PRTG: variants seen among roughly 807,000 people sequenced by gnomAD.
The protein encoded by PRTG is immunoglobulin superfamily, DCC subclass, member 5.
In PRTG, 67 loss-of-function variants were observed where a neutral mutation model predicts 122.5. The observed-to-expected ratio is 0.55, with a 90% confidence interval of 0.45 to 0.67. PRTG has a LOEUF of 0.67. Ranked by LOEUF, PRTG falls within the 30% of genes least tolerant of loss-of-function variation. The probability of loss-of-function intolerance (pLI) is 0.00; values close to 1 mark genes in which losing one functional copy is unlikely to be tolerated. For synonymous variants in PRTG, 554 were observed against 501.1 expected (o/e 1.11, Z -1.41); for missense variants, 1,435 against 1,415.4 (o/e 1.01, Z -0.22).
chr15:55,720,060 A>AAAAAGAAAAG (rs374972863), intron 2 of PRTG, among the ~76,000 whole-genome samples: 3 of 151,820 alleles, frequency 2.0e-5, no homozygotes, highest in South Asian at 2.1e-4. Context: ...ACTTCATCTC[A>AAAAAGAAAAG]AAAAGAAAAG....
At chr15:55,660,991 T>C (rs2059406591) in intron 11 of PRTG, among the ~76,000 whole-genome samples, 1 of 152,198 alleles carries the variant, frequency 6.6e-6, no homozygotes, top group Non-Finnish European at 1.5e-5. Context: ...GGGGAACTAA[T>C]TTTGTTCTCA....
At chr15:55,729,622 T>C (rs1254664027) in intron 2 of PRTG, among the ~76,000 whole-genome samples, 3 of 151,746 alleles carry the variant, frequency 2.0e-5, no homozygotes, top group Non-Finnish European at 4.4e-5. Context: ...AAAATAAATA[T>C]ATATATGTAT....
chr15:55,672,076 A>C (rs988134093), intron 11 of PRTG, among the ~76,000 whole-genome samples: 1 of 152,234 alleles, frequency 6.6e-6, no homozygotes, highest in Non-Finnish European at 1.5e-5. Context: ...ATTTTAAGTG[A>C]AACTTAACCA....
At chr15:55,655,781 G>T (rs558987111) in intron 11 of PRTG, 2 of 152,268 alleles carry the variant, frequency 1.3e-5, no homozygotes, top group Admixed American at 1.3e-4. Flanking sequence ...CACATTCCTA[G>T]AGAATTTTTT....
At chr15:55,669,620 G>C (rs752559174) in intron 11 of PRTG, among the ~76,000 whole-genome samples, 1 of 152,186 alleles carries the variant, frequency 6.6e-6, no homozygotes, top group Non-Finnish European at 1.5e-5. Context: ...TGACCTTCTA[G>C]GAAAGTAAGA....
intron 11 of PRTG, among the ~76,000 whole-genome samples, chr15:55,645,107 A>C (rs1567081270): frequency 6.6e-6 from 1 of 151,960 alleles, no homozygotes; most frequent in Non-Finnish European, 1.5e-5. Flanking sequence ...TTGTTCATTA[A>C]TTTTTCAGAA....
At chr15:55,635,070 T>C (rs1335801979) in intron 15 of PRTG, among the ~76,000 whole-genome samples, 1 of 95,090 alleles carries the variant, frequency 1.1e-5, no homozygotes. Flanking sequence ...TGTTGTTGGT[T>C]CTGGGTGTGT....
In PRTG at chr15:55,672,449, G is replaced by A. The variant is rs746410073; in HGVS notation, c.2037C>T (p.Gly679=). Residue 679 remains glycine (G), a synonymous_variant, in exon 11 of 20, where the codon GGC becomes GGT. Coordinates refer to ENST00000389286, the MANE Select transcript of PRTG (RefSeq NM_173814.6). The stretch of plus-strand genomic sequence containing the variant: ...ATACAGTACAAACTCACTCACCTAA[G>A]CCACTGAGAGTATAGAGTAGGTCCT... ...DTKDLLYTLS[G]LDPRRKYHVR... 1 of 1,612,194 alleles carries A rather than the reference G, an allele frequency of 6.2e-7. No individual in the cohort carries two copies. Among genetic ancestry groups the A allele is most frequent in the East Asian group, 2.2e-5 (1 of 44,882 alleles).
chr15:55,688,515 C>G (rs1276160808), intron 2 of PRTG, among the ~76,000 whole-genome samples: 1 of 152,190 alleles, frequency 6.6e-6, no homozygotes, highest in Non-Finnish European at 1.5e-5. Flanking sequence ...TCCAACTGTG[C>G]ACTGGACATC....
chr15:55,738,052 C>A lies in PRTG; in HGVS notation c.397+2330G>T, dbSNP rs1350396720. On this transcript the variant is annotated intron_variant, in intron 2 of 19. Transcript: ENST00000389286. ...CACACACACACACACACACACACAC[C>A]ACACACACTCTTCCTGTAAATATAT... Among the ~76,000 whole-genome samples the A allele has an allele frequency of 5.1e-5, 4 of 77,688 alleles. No individual in the cohort carries two copies. The Admixed American group carries it at 5.6e-4, about 11-fold the overall frequency. The allele number at this position is 77,688 out of a possible 152,430, so 51.0% of individuals were successfully genotyped here. A position where few individuals can be genotyped will look rare whatever the true frequency, so the allele number is the denominator to read the frequency against.
In PRTG at chr15:55,624,528, G is replaced by T. The variant is rs771339483; in HGVS notation, c.2928-21C>A. Reference sequence around the variant, plus strand: ...ATTTCCTAAAACATTGGCAAGAAGAGGAAGTCTTCTAATTTCATAGAAGAT... The same window carrying T: ...ATTTCCTAAAACATTGGCAAGAAGATGAAGTCTTCTAATTTCATAGAAGAT... On this transcript the variant is annotated intron_variant, in intron 17 of 19. Coordinates refer to ENST00000389286, the MANE Select transcript of PRTG (RefSeq NM_173814.6). The T allele has an allele frequency of 7.5e-6, 12 of 1,596,776 alleles. No individual in the cohort carries two copies. In the Admixed American group the frequency reaches 2.1e-4, roughly 28 times the overall value.
chr15:55,739,159 C>A (rs2031532416), intron 2 of PRTG, among the ~76,000 whole-genome samples: 1 of 151,914 alleles, frequency 6.6e-6, no homozygotes, highest in Non-Finnish European at 1.5e-5. Flanking sequence ...CATAAATGGA[C>A]CATGAACAGT....
intron 14 of PRTG, 115 bp from the exon 15 acceptor site, chr15:55,637,455 A>G (rs2059264260): frequency 1.3e-6 from 1 of 759,838 alleles, no homozygotes; most frequent in Non-Finnish European, 1.9e-6. Flanking sequence ...TCCATAAGAA[A>G]TCACAGCTTT....
At chr15:55,645,602 TTAAATACACG>T in intron 11 of PRTG, among the ~76,000 whole-genome samples, 1 of 151,620 alleles carries the variant, frequency 6.6e-6, no homozygotes, top group Non-Finnish European at 1.5e-5. Flanking sequence ...GACCAATATG[TTAAATACACG>T]TAAATACACA....
chr15:55,629,493 T>C (rs1567074859), intron 15 of PRTG, among the ~76,000 whole-genome samples: 1 of 151,324 alleles, frequency 6.6e-6, no homozygotes. Flanking sequence ...CATTTTATTA[T>C]GGAACATTTG....
intron 9 of PRTG, among the ~76,000 whole-genome samples, chr15:55,675,146 G>C (rs563125834): frequency 2.6e-5 from 4 of 152,052 alleles, no homozygotes; most frequent in Non-Finnish European, 5.9e-5. Context: ...TAAAGTCCAA[G>C]TTTCAGAAGT....
chr15:55,729,386 G>A (rs566701207), intron 2 of PRTG, among the ~76,000 whole-genome samples: 14 of 152,060 alleles, frequency 9.2e-5, no homozygotes, highest in Non-Finnish European at 1.8e-4. Context: ...GACTGCTATC[G>A]AACACAGCTT....
In PRTG at chr15:55,718,398, C is replaced by T. The variant is rs528898952; in HGVS notation, c.397+21984G>A. Among the ~76,000 whole-genome samples, 4 of 152,256 alleles carry T rather than the reference C, an allele frequency of 2.6e-5. No individual in the cohort carries two copies. In the South Asian group the frequency reaches 8.3e-4, roughly 32 times the overall value. ...CTTGTTTCCCTCCCGCCTGTCCCCT[C>T]AGTCCCAACCCCAAGCGTTGCTGAG... On this transcript the variant is annotated intron_variant, in intron 2 of 19. Transcript: ENST00000389286.
At chr15:55,649,544 G>C (rs1419460704) in intron 11 of PRTG, among the ~76,000 whole-genome samples, 1 of 152,114 alleles carries the variant, frequency 6.6e-6, no homozygotes, top group Non-Finnish European at 1.5e-5. Context: ...TAGCACTTTG[G>C]GGGGCCAAGG....
Sources: gnomAD v4.1 joint callset for allele counts (sites outside exome capture counted in the v4.1 genomes callset) on GRCh38, gnomAD v4.1.1 for gene constraint, MANE v1.5 for transcripts, NCBI Gene and HGNC (gene_info 2026-07-23, HGNC 2026-07-21) for gene names.